Variants in SRBD1 observed in about 807,000 individuals in gnomAD.
The protein encoded by SRBD1 is S1 RNA-binding domain-containing protein 1.
SRBD1 carries 88 observed loss-of-function variants against 115.3 expected under a neutral mutation model. The ratio of observed to expected loss-of-function variants is 0.76; its 90% CI spans 0.64 to 0.91. The LOEUF is 0.91. SRBD1 is among the 40% of genes least tolerant of loss of function. SRBD1 has a pLI of 0.00. For missense variants in SRBD1, 1,385 were observed against 1,177.4 expected (o/e 1.18, Z -2.58); for synonymous variants, 509 against 407.7 (o/e 1.25, Z -2.99).
chr2:45,492,570 C>T (rs941417297), intron 14 of SRBD1, among the ~76,000 whole-genome samples: 9 of 152,176 alleles, frequency 5.9e-5, no homozygotes, highest in African/African-American at 2.2e-4. Flanking sequence ...TCCCAAGTAG[C>T]TGGGACTACA....
chr2:45,527,265 A>C (rs1418494494), intron 14 of SRBD1, among the ~76,000 whole-genome samples: 1 of 151,926 alleles, frequency 6.6e-6, no homozygotes, highest in Non-Finnish European at 1.5e-5. Flanking sequence ...TATCTTCCAA[A>C]GGGATGAACA....
Position 45,457,683 on chromosome 2 carries a change from T to C in SRBD1, c.2049+19310A>G, listed in dbSNP as rs78961400. Reference sequence around the variant, plus strand: ...ATACCCCGACAAACACTTCATGTTCTGGTAAAAACCTAAATATTAACTGTC... The same window carrying C: ...ATACCCCGACAAACACTTCATGTTCCGGTAAAAACCTAAATATTAACTGTC... On this transcript the variant is annotated intron_variant, in intron 16 of 20. Coordinates refer to ENST00000263736, the MANE Select transcript of SRBD1 (RefSeq NM_018079.5). Among the ~76,000 whole-genome samples the C allele has an allele frequency of 7.3e-3, 1,110 of 152,150 alleles. 17 individuals are homozygous for C. Among genetic ancestry groups the C allele is most frequent in the African/African-American group, 0.025 (1,058 of 41,546 alleles).
intron 19 of SRBD1, among the ~76,000 whole-genome samples, chr2:45,405,983 G>T (rs1386171373): frequency 6.6e-6 from 1 of 152,118 alleles, no homozygotes; most frequent in African/African-American, 2.4e-5. Context: ...GGAGACCCCA[G>T]CAATAATACA....
At position 45,572,177 on chromosome 2, in the gene SRBD1, A is replaced by C. The variant is rs141020701; in HGVS notation, c.1305+1030T>G. On this transcript the variant is annotated intron_variant, in intron 9 of 20. Transcript: ENST00000263736. ...TAAGGCATCGTAAGATTAACAGCTG[A>C]TTCCTCATAAAAAACTATGGAGGCC... Among the ~76,000 whole-genome samples, 4 of 152,292 alleles carry C rather than the reference A, an allele frequency of 2.6e-5. 1 individual carries two copies. The highest frequency in any genetic ancestry group is 9.6e-5 in the African/African-American group (4 of 41,586).
At chr2:45,506,848 T>C (rs150037401) in intron 14 of SRBD1, among the ~76,000 whole-genome samples, 46 of 152,350 alleles carry the variant, frequency 3.0e-4, no homozygotes, top group African/African-American at 1.1e-3. Flanking sequence ...ATTAATTTCT[T>C]ATTCACCATT....
In SRBD1 at chr2:45,513,540, A is replaced by C. The variant is rs185037417; in HGVS notation, c.1875-25209T>G. Among the ~76,000 whole-genome samples, 775 of 152,238 alleles carry C rather than the reference A, an allele frequency of 5.1e-3. 10 individuals carry two copies. The highest frequency in any genetic ancestry group is 0.017 in the African/African-American group (726 of 41,548). ...AAGTTGAAGAAGATGAAAAATTCAA[A>C]AGGTGTTATATTTCACAACCTTAAT... On this transcript the variant is annotated intron_variant, in intron 14 of 20. Transcript: ENST00000263736.
rs139442020 is a variant in SRBD1 at position 45,409,567 on chromosome 2, A to C, written c.2513+3547T>G. Among the ~76,000 whole-genome samples, 734 of 151,940 alleles carry C rather than the reference A, an allele frequency of 4.8e-3. 5 individuals are homozygous for C. The highest frequency in any genetic ancestry group is 0.017 in the African/African-American group (689 of 41,490). ...AGAAAAAAAAGAAGCATGAAGATTAAAATGGAGGAAGTAAAGTTTAATATA... is the reference window on the plus strand; with the variant it reads ...AGAAAAAAAAGAAGCATGAAGATTACAATGGAGGAAGTAAAGTTTAATATA... On this transcript the variant is annotated intron_variant, in intron 19 of 20. Transcript: ENST00000263736.
chr2:45,459,241 G>A (rs1669242049), intron 16 of SRBD1, among the ~76,000 whole-genome samples: 1 of 152,210 alleles, frequency 6.6e-6, no homozygotes, highest in Non-Finnish European at 1.5e-5. Context: ...ACTAACAGAA[G>A]TTTAAAGTGT....
At chr2:45,601,701 C>T (rs531097225) in intron 3 of SRBD1, among the ~76,000 whole-genome samples, 28 of 152,330 alleles carry the variant, frequency 1.8e-4, no homozygotes, top group African/African-American at 6.5e-4. Flanking sequence ...CACTACCACA[C>T]CCAGACCAAC....
intron 16 of SRBD1, among the ~76,000 whole-genome samples, chr2:45,420,932 T>C (rs1667978114): frequency 6.6e-6 from 1 of 152,236 alleles, no homozygotes; most frequent in African/African-American, 2.4e-5. Context: ...GTTACATATG[T>C]ATACATGTGC....
intron 13 of SRBD1, among the ~76,000 whole-genome samples, chr2:45,547,262 A>G (rs954920856): frequency 2.6e-5 from 4 of 152,184 alleles, no homozygotes; most frequent in Admixed American, 2.6e-4. Flanking sequence ...AGAGAGGGAG[A>G]AAATTGGAAC....
intron 4 of SRBD1, among the ~76,000 whole-genome samples, chr2:45,587,485 A>G (rs1329158267): frequency 6.6e-6 from 1 of 152,170 alleles, no homozygotes; most frequent in Non-Finnish European, 1.5e-5. Context: ...CAAAAGGAGT[A>G]CGTTTTATTA....
chr2:45,422,233 C>T (rs927298096), intron 16 of SRBD1, among the ~76,000 whole-genome samples: 5 of 152,176 alleles, frequency 3.3e-5, no homozygotes, highest in East Asian at 1.9e-4. Flanking sequence ...AATGAGTAAG[C>T]GACAGTCTCT....
intron 10 of SRBD1, among the ~76,000 whole-genome samples, chr2:45,553,999 TTAA>T (rs749568672): frequency 4.5e-4 from 69 of 152,284 alleles, no homozygotes; most frequent in Non-Finnish European, 7.8e-4. Flanking sequence ...CAAAGCATTA[TTAA>T]TAATGGCCAA....
chr2:45,532,686 G>A (rs1030114600), intron 14 of SRBD1, among the ~76,000 whole-genome samples: 15 of 151,684 alleles, frequency 9.9e-5, no homozygotes, highest in African/African-American at 3.6e-4. Context: ...TAAACTGGGC[G>A]TAACCTTAGA....
intron 19 of SRBD1, among the ~76,000 whole-genome samples, chr2:45,409,142 A>T (rs183294104): frequency 6.6e-6 from 1 of 152,166 alleles, no homozygotes; most frequent in Admixed American, 6.5e-5. Flanking sequence ...GGATTGCTTG[A>T]GCTCAGGAGG....
intron 1 of SRBD1, among the ~76,000 whole-genome samples, chr2:45,607,935 G>A (rs1284031148): frequency 2.0e-5 from 3 of 152,128 alleles, no homozygotes; most frequent in Non-Finnish European, 2.9e-5. Context: ...TTTCTCTGGA[G>A]AATCTAACCA....
intron 14 of SRBD1, among the ~76,000 whole-genome samples, chr2:45,529,111 G>T (rs192858708): frequency 7.2e-5 from 11 of 151,944 alleles, no homozygotes; most frequent in African/African-American, 2.2e-4. Context: ...CAGTACTATA[G>T]TAAGACCTCA....
At position 45,581,062 on chromosome 2, in the gene SRBD1, A is replaced by G. The variant is rs1256740931; in HGVS notation, c.933+631T>C. 2.6e-5 allele frequency among the ~76,000 whole-genome samples: 4 copies of G among 152,226 alleles called. No homozygotes were observed. In the South Asian group the frequency reaches 6.2e-4, roughly 24 times the overall value. ...CTTCTCACATACCTTGCAGGAAATG[A>G]TATCACAAAAATCCATGATGATCTC... On this transcript the variant is annotated intron_variant, in intron 6 of 20. Coordinates refer to ENST00000263736, the MANE Select transcript of SRBD1 (RefSeq NM_018079.5).
Sources: allele counts gnomAD v4.1 joint callset (sites outside exome capture counted in the v4.1 genomes callset), GRCh38; gene constraint gnomAD v4.1.1; transcripts MANE v1.5; gene names NCBI Gene and HGNC (gene_info 2026-07-23, HGNC 2026-07-21).